The following CDC14A variants were observed in gnomAD, a reference collection of about 807,000 sequenced individuals.
The protein encoded by CDC14A is cell division cycle 14A.
CDC14A carries 53 observed loss-of-function variants against 74.4 expected under a neutral mutation model. That is an observed-to-expected ratio of 0.71 (90% CI 0.57 to 0.89). CDC14A has a LOEUF of 0.89. Ranked by LOEUF, CDC14A falls within the 40% of genes least tolerant of loss-of-function variation. The pLI is 0.00. For synonymous variants in CDC14A, 247 were observed against 258.4 expected (o/e 0.96, Z 0.43); for missense variants, 646 against 713.7 (o/e 0.91, Z 1.08).
chr1:100,450,268 T>C (rs993760657), intron 7 of CDC14A, among the ~76,000 whole-genome samples: 3 of 152,176 alleles, frequency 2.0e-5, no homozygotes, highest in South Asian at 2.1e-4. Context: ...GCAAGTCACA[T>C]TGGGTCAAGA....
chr1:100,431,287 G>A (rs17122472), intron 5 of CDC14A, among the ~76,000 whole-genome samples: 3,179 of 151,860 alleles, frequency 0.021, 113 homozygotes, highest in African/African-American at 0.07. Flanking sequence ...GCGAAAATTC[G>A]CTCAGACTAC....
intron 2 of CDC14A, among the ~76,000 whole-genome samples, chr1:100,357,297 C>A (rs1479370284): frequency 6.6e-6 from 1 of 151,826 alleles, no homozygotes; most frequent in East Asian, 1.9e-4. Flanking sequence ...ACAAGTAGAA[C>A]CAGGATGGGA....
chr1:100,502,614 C>T (rs1415539610), intron 15 of CDC14A, among the ~76,000 whole-genome samples: 2 of 152,210 alleles, frequency 1.3e-5, no homozygotes, highest in Admixed American at 6.5e-5. Context: ...AGATTACATA[C>T]GTAAAGGTAT....
intron 8 of CDC14A, among the ~76,000 whole-genome samples, chr1:100,459,126 C>CAGAGAGAG (rs112078644): frequency 8.3e-5 from 12 of 144,686 alleles, no homozygotes; most frequent in African/African-American, 2.8e-4. Flanking sequence ...CACACACACA[C>CAGAGAGAG]AGAGAGAGAG....
chr1:100,417,116 G>T (rs1379790566), intron 4 of CDC14A, among the ~76,000 whole-genome samples: 1 of 152,220 alleles, frequency 6.6e-6, no homozygotes, highest in Non-Finnish European at 1.5e-5. Flanking sequence ...ATTTGAAGGA[G>T]AAGGCAGAGA....
rs1656218413 is a variant in CDC14A, at chr1:100,382,204, C to CTCTAT, written c.216+4587_216+4591dup. On this transcript the variant is annotated intron_variant, in intron 3 of 15. Transcript: ENST00000336454. ...TATTTTGAAAAAACTGAATACCTTC[C>CTCTAT]TCTATTCTTTTTTTTTTTTTTTTTT... 3.4e-5 allele frequency among the ~76,000 whole-genome samples: 5 copies of CTCTAT among 148,534 alleles called. No individual in the cohort carries two copies. The East Asian group carries it at 9.8e-4, about 29-fold the overall frequency.
At position 100,518,896 on chromosome 1, in the gene CDC14A, T is replaced by C. The variant is rs995150467; in HGVS notation, c.*616T>C. ...GAAGTCAGTTTAGTTACACTGAGTT[T>C]ATCCAAGTTTATCTCTACCAAGAGT... On this transcript the variant is annotated 3_prime_UTR_variant, in exon 16 of 16. Transcript: ENST00000336454. The C allele has an allele frequency of 3.3e-5, 5 of 152,390 alleles. No individual in the cohort carries two copies. The highest frequency in any genetic ancestry group is 1.2e-4 in the African/African-American group (5 of 41,452). 9.4% of individuals were successfully genotyped at this position (152,390 alleles called of 1,614,324 possible).
In CDC14A at chr1:100,455,587, T is replaced by G. The variant is rs565627906; in HGVS notation, c.607+95T>G. The G allele has an allele frequency of 2.3e-5, 17 of 744,564 alleles. No individual in the cohort carries two copies. The East Asian group carries it at 4.6e-4, about 20-fold the overall frequency. The allele number at this position is 744,564 out of a possible 1,614,324, so 46.1% of individuals were successfully genotyped here. ...CAGATAATTATTTTCTTTGGTAATA[T>G]TCTCCAAAGAATATTTATTCATAAT... On this transcript the variant is annotated intron_variant, in intron 8 of 15. Coordinates refer to ENST00000336454, the MANE Select transcript of CDC14A (RefSeq NM_003672.4).
At chr1:100,397,252 G>A (rs1658637285) in intron 4 of CDC14A, among the ~76,000 whole-genome samples, 1 of 152,072 alleles carries the variant, frequency 6.6e-6, no homozygotes, top group Non-Finnish European at 1.5e-5. Context: ...ACCCATTTTA[G>A]GGATGCCTCT....
At chr1:100,355,218 A>G (rs1651719426) in intron 2 of CDC14A, among the ~76,000 whole-genome samples, 1 of 152,104 alleles carries the variant, frequency 6.6e-6, no homozygotes, top group Non-Finnish European at 1.5e-5. Context: ...GGGAATGTGC[A>G]TTGTTGTGCC....
chr1:100,403,938 C>A (rs1489898462), intron 4 of CDC14A, among the ~76,000 whole-genome samples: 1 of 152,044 alleles, frequency 6.6e-6, no homozygotes, highest in Non-Finnish European at 1.5e-5. Context: ...GAATCTTAAA[C>A]CTTAGGTTTA....
Position 100,420,063 on chromosome 1 carries a change from C to CACACATAT in CDC14A, c.310-4158_310-4157insCACATATA. Reference sequence around the variant, plus strand: ...ACACACACACACACACACACACACACATATATATATATATATATAGTGTGT... The same window carrying CACACATAT: ...ACACACACACACACACACACACACACACACATATATATATATATATATATATAGTGTGT... On this transcript the variant is annotated intron_variant, in intron 4 of 15. Transcript: ENST00000336454. Among the ~76,000 whole-genome samples, 565 of 61,526 alleles carry CACACATAT rather than the reference C, an allele frequency of 9.2e-3. 11 individuals carry two copies. Among genetic ancestry groups the CACACATAT allele is most frequent in the East Asian group, 0.027 (50 of 1,844 alleles). 40.4% of individuals were successfully genotyped at this position (61,526 alleles called of 152,430 possible).
intron 5 of CDC14A, among the ~76,000 whole-genome samples, chr1:100,429,924 T>C (rs1663453505): frequency 6.6e-6 from 1 of 152,054 alleles, no homozygotes; most frequent in African/African-American, 2.4e-5. Flanking sequence ...TTTTTGTTTT[T>C]TTGAGATGGA....
intron 3 of CDC14A, among the ~76,000 whole-genome samples, chr1:100,381,471 T>G (rs1386522564): frequency 6.6e-6 from 1 of 152,212 alleles, no homozygotes; most frequent in East Asian, 1.9e-4. Context: ...ATTTTTTAGT[T>G]TGGAAATTTT....
chr1:100,391,207 TG>T (rs1469160859), intron 4 of CDC14A: 1 of 256,204 alleles, frequency 3.9e-6, no homozygotes, highest in Non-Finnish European at 7.7e-6. Context: ...GTTCGTTTTT[TG>T]GGAGAAGAGG....
chr1:100,393,078 CTGTT>C, intron 4 of CDC14A: 1 of 1,430,584 alleles, frequency 7.0e-7, no homozygotes. Flanking sequence ...TTCCATGTTG[CTGTT>C]TAATTTGATA....
chr1:100,408,102 G>T (rs981744276), intron 4 of CDC14A, among the ~76,000 whole-genome samples: 1 of 152,016 alleles, frequency 6.6e-6, no homozygotes, highest in Non-Finnish European at 1.5e-5. Flanking sequence ...AGTGTTTGTT[G>T]TTCCCCTCTT....
intron 10 of CDC14A, among the ~76,000 whole-genome samples, chr1:100,475,406 C>T (rs1021181328): frequency 3.9e-5 from 6 of 152,134 alleles, no homozygotes; most frequent in South Asian, 4.1e-4. Context: ...TGGCATTTAG[C>T]GATCATCTCT....
Position 100,499,090 on chromosome 1 carries a change from AC to A in CDC14A, c.1586del (p.Pro529LeufsTer19). ...AGCTCCCAGCCAACTACCAGAAATTACCCTGAGCTCAACAATAATCAGTACA... is the reference window on the plus strand; with the variant it reads ...AGCTCCCAGCCAACTACCAGAAATTACCTGAGCTCAACAATAATCAGTACA... ...NGSSQPTTRN[Y>X]PELNNNQYNR... On this transcript the variant is annotated frameshift_variant, in exon 15 of 16. Transcript: ENST00000336454. LOFTEE classifies it high-confidence loss of function. 1 of 1,614,150 alleles carries A rather than the reference AC, an allele frequency of 6.2e-7. No individual in the cohort carries two copies. The highest frequency in any genetic ancestry group is 2.2e-5 in the East Asian group (1 of 44,882).
Sources: gnomAD v4.1 joint callset for allele counts (sites outside exome capture counted in the v4.1 genomes callset) on GRCh38, gnomAD v4.1.1 for gene constraint, MANE v1.5 for transcripts, NCBI Gene and HGNC (gene_info 2026-07-23, HGNC 2026-07-21) for gene names.